Variants in GRID2 observed in about 807,000 individuals in gnomAD.
GRID2 encodes glutamate ionotropic receptor delta type subunit 2.
Under a neutral mutation model 114.8 loss-of-function variants are expected in GRID2, and 33 were observed. The ratio of observed to expected loss-of-function variants is 0.29; its 90% confidence interval spans 0.22 to 0.38. GRID2 has a LOEUF of 0.38. Ranked by LOEUF, GRID2 falls within the 10% of genes least tolerant of loss-of-function variation. The pLI is 1.00. For missense variants in GRID2, 1,184 were observed against 1,257.7 expected (o/e 0.94, Z 0.89); for synonymous variants, 505 against 449.9 (o/e 1.12, Z -1.55).
chr4:92,451,415 G>C (rs2149078924), intron 1 of GRID2, among the ~76,000 whole-genome samples: 1 of 152,116 alleles, frequency 6.6e-6, no homozygotes, highest in African/African-American at 2.4e-5. Flanking sequence ...ATAAAACAGA[G>C]TAAGAAAAAT....
intron 2 of GRID2, among the ~76,000 whole-genome samples, chr4:92,625,493 GA>G (rs1335933824): frequency 6.6e-6 from 1 of 151,772 alleles, no homozygotes; most frequent in Non-Finnish European, 1.5e-5. Context: ...TGGAACCAGG[GA>G]AATAGTGTTT....
At chr4:92,968,110 G>C (rs1468702957) in intron 2 of GRID2, among the ~76,000 whole-genome samples, 2 of 151,782 alleles carry the variant, frequency 1.3e-5, no homozygotes, top group African/African-American at 4.8e-5. Flanking sequence ...GAAAAGTTTT[G>C]ATTTATCAAC....
rs370628515 is a variant in GRID2, at chr4:92,567,054, A to G, written c.89-23077A>G. 7.9e-5 allele frequency among the ~76,000 whole-genome samples: 12 copies of G among 152,164 alleles called. No individual in the cohort carries two copies. In the East Asian group the frequency reaches 1.5e-3, roughly 20 times the overall value. ...ATAGTTACACCTTAAAAGTTTAAAA[A>G]TGATCAGATTTGTATTTGATTGTTC... On this transcript the variant is annotated intron_variant, in intron 1 of 15. Coordinates refer to ENST00000282020, the MANE Select transcript of GRID2 (RefSeq NM_001510.4).
intron 13 of GRID2, among the ~76,000 whole-genome samples, chr4:93,543,295 T>A (rs1027967398): frequency 6.6e-6 from 1 of 152,090 alleles, no homozygotes; most frequent in Non-Finnish European, 1.5e-5. Context: ...AGAAAAAAAA[T>A]ATGAAGTACT....
intron 2 of GRID2, among the ~76,000 whole-genome samples, chr4:93,068,783 A>G (rs932913381): frequency 6.6e-6 from 1 of 151,804 alleles, no homozygotes; most frequent in African/African-American, 2.4e-5. Flanking sequence ...GTTAAATGTG[A>G]TTTTATATAC....
intron 2 of GRID2, among the ~76,000 whole-genome samples, chr4:92,922,286 GC>G (rs1363812619): frequency 6.6e-6 from 1 of 152,146 alleles, no homozygotes; most frequent in East Asian, 1.9e-4. Flanking sequence ...CTGACCCCTT[GC>G]GCTTCCCTGG....
chr4:93,637,233 G>T (rs191128052), intron 14 of GRID2, among the ~76,000 whole-genome samples: 1 of 152,072 alleles, frequency 6.6e-6, no homozygotes, highest in East Asian at 1.9e-4. Context: ...AAACTCACCA[G>T]GTGCCAAGTA....
chr4:93,072,270 C>CA (rs1027942608), intron 2 of GRID2, among the ~76,000 whole-genome samples: 5 of 152,058 alleles, frequency 3.3e-5, no homozygotes, highest in African/African-American at 9.6e-5. Flanking sequence ...CAAAGAGAGA[C>CA]AGAACACAAA....
intron 2 of GRID2, among the ~76,000 whole-genome samples, chr4:92,677,982 A>C: frequency 6.6e-6 from 1 of 152,004 alleles, no homozygotes; most frequent in Non-Finnish European, 1.5e-5. Flanking sequence ...CACTCCACCC[A>C]TGCCACATTG....
rs80091080 is a variant in GRID2 at position 93,238,448 on chromosome 4, T to C, written c.1203T>C (p.Leu401=). The stretch of plus-strand genomic sequence containing the variant: ...ATCCCAATGTCCACTTTGAAATCCT[T>C]GGAACCAACTATGGAGAAGAGCTTG... The part of the protein sequence containing the change: ...GGNPNVHFEI[L]GTNYGEELGR... Residue 401 remains leucine, a synonymous_variant, in exon 8 of 16, where the codon CTT becomes CTC. Coordinates refer to ENST00000282020, the MANE Select transcript of GRID2 (RefSeq NM_001510.4). 0.011 allele frequency: 17,915 copies of C among 1,609,980 alleles called. 134 individuals are homozygous for C. The highest frequency in any genetic ancestry group is 0.014 in the Non-Finnish European group (16,042 of 1,176,790).
chr4:93,514,458 C>T (rs1419159296), intron 12 of GRID2, among the ~76,000 whole-genome samples: 1 of 150,028 alleles, frequency 6.7e-6, no homozygotes, highest in East Asian at 1.9e-4. Context: ...CACACACACA[C>T]ACAATGCTAA....
chr4:93,009,781 T>C (rs1721935490), intron 2 of GRID2, among the ~76,000 whole-genome samples: 1 of 152,234 alleles, frequency 6.6e-6, no homozygotes, highest in Admixed American at 6.6e-5. Flanking sequence ...CTACTCTCTC[T>C]TCTAAGACAG....
chr4:92,701,690 T>A (rs1244441032), intron 2 of GRID2, among the ~76,000 whole-genome samples: 1 of 152,178 alleles, frequency 6.6e-6, no homozygotes. Context: ...AAGCCCTCTT[T>A]AATAAAGCCA....
intron 4 of GRID2, chr4:93,112,259 C>T (rs914375123): frequency 2.0e-5 from 3 of 152,020 alleles, no homozygotes; most frequent in Non-Finnish European, 4.4e-5. Context: ...TTGAACTGGA[C>T]TTCGTGTCAT....
rs144345270 is a variant in GRID2 at position 92,491,686 on chromosome 4, G to GGT, written c.89-98428_89-98427dup. 6.7e-3 allele frequency among the ~76,000 whole-genome samples: 997 copies of GGT among 149,214 alleles called. 10 individuals are homozygous for GGT. The highest frequency in any genetic ancestry group is 0.022 in the African/African-American group (894 of 40,876). On this transcript the variant is annotated intron_variant, in intron 1 of 15. Transcript: ENST00000282020. ...TTAATAAATAGCTGTTTCCTTATTG[G>GGT]GTGTGTGTGTGTGTGTGTACATGAT...
intron 10 of GRID2, among the ~76,000 whole-genome samples, chr4:93,423,436 C>T (rs1254186635): frequency 1.4e-5 from 2 of 143,082 alleles, no homozygotes; most frequent in African/African-American, 5.2e-5. Context: ...CAAGCTCCGC[C>T]TCCTAGGTTC....
chr4:93,358,123 A>C (rs1482963898), intron 8 of GRID2, among the ~76,000 whole-genome samples: 1 of 151,858 alleles, frequency 6.6e-6, no homozygotes, highest in Non-Finnish European at 1.5e-5. Context: ...GCATCTTCAA[A>C]GTATTTCTTC....
chr4:92,923,195 T>C (rs755530194), intron 2 of GRID2, among the ~76,000 whole-genome samples: 5 of 152,206 alleles, frequency 3.3e-5, no homozygotes, highest in Non-Finnish European at 7.3e-5. Flanking sequence ...ATATTTTAAG[T>C]TTTGAAAGGA....
intron 13 of GRID2, among the ~76,000 whole-genome samples, chr4:93,592,034 G>A (rs1176166526): frequency 1.3e-5 from 2 of 151,910 alleles, no homozygotes; most frequent in Admixed American, 6.6e-5. Flanking sequence ...TTTTTTGAAG[G>A]GTATTTTGTG....
Sources: gnomAD v4.1 joint callset for allele counts (sites outside exome capture counted in the v4.1 genomes callset) on GRCh38, gnomAD v4.1.1 for gene constraint, MANE v1.5 for transcripts, NCBI Gene and HGNC (gene_info 2026-07-23, HGNC 2026-07-21) for gene names.